CFAP96: variants seen among roughly 807,000 people sequenced by gnomAD.
The protein encoded by CFAP96 is cilia and flagella associated protein 96.
chr4:185,425,971 G>A, the CFAP96 span: 11 of 1,367,488 alleles, frequency 8.0e-6, no homozygotes, highest in Middle Eastern at 1.9e-4. Context: ...GGGCCCGGGC[G>A]GACCAACTAC....
chr4:185,424,725 G>C, the CFAP96 span, among the ~76,000 whole-genome samples: 10 of 152,172 alleles, frequency 6.6e-5, no homozygotes, highest in Non-Finnish European at 1.5e-5. Context: ...AGATACTGAA[G>C]ATAAAAGTTA....
chr4:185,440,599 C>T, the CFAP96 span: 16 of 1,536,476 alleles, frequency 1.0e-5, no homozygotes, highest in South Asian at 2.4e-5. Flanking sequence ...TAAATCTTCA[C>T]CCAAGGGACT....
At chr4:185,418,699 C>G in the CFAP96 span, 1 of 1,613,820 alleles carries the variant, frequency 6.2e-7, no homozygotes, top group East Asian at 2.2e-5. Context: ...ATTCTGAACA[C>G]AAGGGCGTTT....
the CFAP96 span, among the ~76,000 whole-genome samples, chr4:185,444,175 G>A: frequency 6.7e-6 from 1 of 150,088 alleles, no homozygotes. Context: ...GGATGGTCTC[G>A]ATCTCCTGAC....
the CFAP96 span, among the ~76,000 whole-genome samples, chr4:185,408,644 C>T: frequency 6.6e-6 from 1 of 152,170 alleles, no homozygotes; most frequent in Non-Finnish European, 1.5e-5. Context: ...CCCAGCAGGA[C>T]CTACCTTCTG....
At chr4:185,414,824 T>C in the CFAP96 span, among the ~76,000 whole-genome samples, 3 of 152,226 alleles carry the variant, frequency 2.0e-5, no homozygotes, top group African/African-American at 7.2e-5. Context: ...CGGAAAGTTA[T>C]AGAAATCTGT....
chr4:185,449,215 A>G, the CFAP96 span, among the ~76,000 whole-genome samples: 1 of 152,188 alleles, frequency 6.6e-6, no homozygotes, highest in Non-Finnish European at 1.5e-5. Flanking sequence ...TTTAATGAAA[A>G]TAGTTTTTAT....
the CFAP96 span, chr4:185,432,079 T>C: frequency 6.4e-7 from 1 of 1,551,714 alleles, no homozygotes. Flanking sequence ...ATCCCCATTT[T>C]GTAAGGATTT....
chr4:185,418,886 CAAT>C, the CFAP96 span: 82 of 784,012 alleles, frequency 1.0e-4, no homozygotes, highest in Non-Finnish European at 1.5e-4. Context: ...TCCCCATATT[CAAT>C]AATAATTTCA....
the CFAP96 span, among the ~76,000 whole-genome samples, chr4:185,414,092 G>T: frequency 1.3e-5 from 2 of 152,068 alleles, no homozygotes; most frequent in Admixed American, 6.6e-5. Flanking sequence ...GAAACTGGAA[G>T]GGAACAGAGA....
the CFAP96 span, among the ~76,000 whole-genome samples, chr4:185,442,121 C>A: frequency 6.6e-6 from 1 of 151,952 alleles, no homozygotes. Context: ...CTTTTAAGTT[C>A]TATTATATTT....
At chr4:185,443,676 G>A in the CFAP96 span, among the ~76,000 whole-genome samples, 92,464 of 151,348 alleles carry the variant, frequency 0.61, 31,391 homozygotes, top group East Asian at 0.83. Flanking sequence ...ATTAAATATA[G>A]GTATAGACTT....
chr4:185,441,792 A>G, the CFAP96 span, among the ~76,000 whole-genome samples: 1 of 152,000 alleles, frequency 6.6e-6, no homozygotes, highest in Non-Finnish European at 1.5e-5. Context: ...GTTTGGGGGC[A>G]TGAGAACACT....
At chr4:185,440,395 C>G in the CFAP96 span, 1 of 553,624 alleles carries the variant, frequency 1.8e-6, no homozygotes, top group African/African-American at 2.0e-5. Context: ...AAAAATAGAA[C>G]ATAGTAAATT....
the CFAP96 span, among the ~76,000 whole-genome samples, chr4:185,444,016 C>T: frequency 4.3e-5 from 5 of 115,240 alleles, no homozygotes; most frequent in Admixed American, 6.0e-4. Flanking sequence ...TGCAGTGGCG[C>T]AATCTCGGCT....
the CFAP96 span, among the ~76,000 whole-genome samples, chr4:185,442,742 A>G: frequency 1.3e-5 from 2 of 152,180 alleles, no homozygotes; most frequent in African/African-American, 4.8e-5. Flanking sequence ...GGAATACATC[A>G]GGAACGTATG....
chr4:185,429,673 CATTT>C, the CFAP96 span, among the ~76,000 whole-genome samples: 3 of 152,028 alleles, frequency 2.0e-5, no homozygotes, highest in East Asian at 1.9e-4. Flanking sequence ...TAAGCGATAT[CATTT>C]ATTTATTTAT....
At chr4:185,426,066 G>C in the CFAP96 span, 1 of 620,090 alleles carries the variant, frequency 1.6e-6, no homozygotes, top group Non-Finnish European at 2.9e-6. Flanking sequence ...GCGGGTAGCC[G>C]AAGACTTATG....
At chr4:185,445,057 G>A in the CFAP96 span, 3 of 1,551,602 alleles carry the variant, frequency 1.9e-6, no homozygotes, top group East Asian at 2.4e-5. Context: ...TGGCAAAGAT[G>A]ATAAGATTTT....
Sources: allele counts gnomAD v4.1 joint callset (sites outside exome capture counted in the v4.1 genomes callset), GRCh38; gene constraint gnomAD v4.1.1; transcripts MANE v1.5; gene names NCBI Gene and HGNC (gene_info 2026-07-23, HGNC 2026-07-21).